PARP14: variants seen among roughly 807,000 people sequenced by gnomAD.
PARP14 encodes protein mono-ADP-ribosyltransferase PARP14.
Under a neutral mutation model 154.2 loss-of-function variants are expected in PARP14, and 59 were observed. That is an observed-to-expected ratio of 0.38 (90% CI 0.31 to 0.48). The LOEUF is 0.48. PARP14 is among the 20% of genes least tolerant of loss of function. The pLI is 0.98. For synonymous variants in PARP14, 720 were observed against 780.5 expected, an observed-to-expected ratio of 0.92 and a Z score of 1.29; for missense variants, 1,734 against 2,131.6, an observed-to-expected ratio of 0.81 and a Z score of 3.67.
At chr3:122,713,627 G>A (rs1939392092) in intron 10 of PARP14, 54 bp downstream of exon 10, 4 of 1,522,034 alleles carry the variant, frequency 2.6e-6, no homozygotes, top group East Asian at 2.3e-5. Context: ...CTATGAAGGA[G>A]GGTTTCTATA....
At chr3:122,692,573 T>C in intron 4 of PARP14, 30 bp downstream of exon 4, 1 of 1,583,986 alleles carries the variant, frequency 6.3e-7, no homozygotes, top group Non-Finnish European at 8.6e-7. Context: ...CCTCTGCCTG[T>C]CTTCTTTGTA....
At position 122,699,766 on chromosome 3, in the gene PARP14, A is replaced by G; in HGVS notation, c.1212A>G (p.Lys404=). The part of the protein sequence containing the change: ...IRSKYKVNPI[K]VDPTMWDTIK... ...CTAAATATAAAGTCAACCCAATTAA[A>G]GTGGATCCAACAATGTGGGACACCA... The change falls in exon 6 of 17, where the codon AAA becomes AAG. Residue 404 remains lysine (K), a synonymous_variant. Coordinates refer to ENST00000474629, the MANE Select transcript of PARP14 (RefSeq NM_017554.3). 6.2e-7 allele frequency: 1 copy of G among 1,614,040 alleles called. No individual in the cohort carries two copies. The highest frequency in any genetic ancestry group is 1.1e-5 in the South Asian group (1 of 91,078).
intron 5 of PARP14, among the ~76,000 whole-genome samples, chr3:122,696,592 G>A (rs1209674557): frequency 6.6e-6 from 1 of 152,218 alleles, no homozygotes; most frequent in East Asian, 1.9e-4. Context: ...GGGAGAGAGA[G>A]GGGTACATAA....
chr3:122,721,131 C>A (rs991576496), intron 15 of PARP14: 2 of 328,152 alleles, frequency 6.1e-6, no homozygotes, highest in Non-Finnish European at 1.2e-5. Flanking sequence ...GCTTTATTCA[C>A]GCCATTTATG....
intron 8 of PARP14, among the ~76,000 whole-genome samples, chr3:122,707,141 C>T (rs552474661): frequency 3.9e-5 from 6 of 152,150 alleles, no homozygotes; most frequent in Non-Finnish European, 5.9e-5. Flanking sequence ...GGGATTGGCT[C>T]GGAGCGGTGG....
intron 1 of PARP14, among the ~76,000 whole-genome samples, chr3:122,684,697 C>T (rs1256197): frequency 0.59 from 89,254 of 151,974 alleles, 29,326 homozygotes; most frequent in African/African-American, 0.89. Context: ...CTCCTGCTTA[C>T]AGCCACCTAG....
Position 122,701,431 on chromosome 3 carries a change from T to C in PARP14, c.2877T>C (p.Leu959=), listed in dbSNP as rs370997307. The C allele has an allele frequency of 9.9e-6, 16 of 1,613,824 alleles. No homozygotes were observed. The highest frequency in any genetic ancestry group is 1.7e-5 in the Admixed American group (1 of 60,006). Residue 959 remains leucine, a synonymous_variant, in exon 6 of 17, where the codon CTT becomes CTC. Transcript: ENST00000474629. The surrounding 1 kb of genome is among the most constrained non-coding windows in gnomAD (Gnocchi z 4.0). ...GACACTGCTTGAAAGAAATCTACCT[T>C]GTGGATGTATCTGAGAAGACTGTTG... is the stretch of plus-strand genomic sequence containing the variant. The part of the protein sequence containing the change: ...KDGHCLKEIY[L]VDVSEKTVEA...
intron 3 of PARP14, 144 bp downstream of exon 3, chr3:122,687,257 C>T: frequency 3.2e-6 from 2 of 632,750 alleles, no homozygotes; most frequent in South Asian, 4.0e-5. Context: ...ACTGCATCAT[C>T]TTCATATTCT....
Position 122,695,493 on chromosome 3 carries a change from A to G in PARP14, c.666A>G (p.Arg222=). The G allele has an allele frequency of 2.5e-6, 4 of 1,610,802 alleles. No homozygotes were observed. The highest frequency in any genetic ancestry group is 3.4e-6 in the Non-Finnish European group (4 of 1,178,018). Residue 222 remains arginine, a synonymous_variant, in exon 5 of 17, where the codon AGA becomes AGG. Transcript: ENST00000474629. ...TTAAACAACTTCAGCTTTCTCCAAG[A>G]CTTCTGGAAGTGACAAACACAATCA... is the stretch of plus-strand genomic sequence containing the variant. ...HSIKQLQLSP[R]LLEVTNTIRV... is the part of the protein sequence containing the mutation.
intron 5 of PARP14, 118 bp from the exon 6 acceptor site, chr3:122,699,271 TC>T (rs1391773909): frequency 1.7e-6 from 1 of 572,068 alleles, no homozygotes; most frequent in African/African-American, 1.9e-5. Flanking sequence ...TTTATTTCTT[TC>T]CTTTAAGTGT....
intron 9 of PARP14, among the ~76,000 whole-genome samples, chr3:122,710,795 A>T (rs559772900): frequency 0.036 from 862 of 24,156 alleles, 5 homozygotes; most frequent in African/African-American, 0.081. Flanking sequence ...TAGGTATTTT[A>T]TTTATTTATT....
rs768783879 is a variant in PARP14 at position 122,701,005 on chromosome 3, T to C, written c.2451T>C (p.Asp817=). The part of the protein sequence containing the change: ...QQGDLARLPV[D]VVVNASNEDL... ...GTGACTTGGCACGGCTTCCTGTCGA[T>C]GTGGTGGTGAATGCATCTAATGAGG... Residue 817 remains aspartate (D), a synonymous_variant, in exon 6 of 17, where the codon GAT becomes GAC. Coordinates refer to ENST00000474629, the MANE Select transcript of PARP14 (RefSeq NM_017554.3). This position sits in a 1 kb window ranked among gnomAD's most constrained non-coding sequence, Gnocchi z 4.0. 12 of 1,613,930 alleles carry C rather than the reference T, an allele frequency of 7.4e-6. No homozygotes were observed. In the South Asian group the frequency reaches 1.3e-4, roughly 18 times the overall value.
At chr3:122,705,564 A>G in intron 8 of PARP14, among the ~76,000 whole-genome samples, 1 of 152,224 alleles carries the variant, frequency 6.6e-6, no homozygotes, top group East Asian at 1.9e-4. Context: ...ACTCAGCATT[A>G]TGGCAGCACA....
intron 12 of PARP14, among the ~76,000 whole-genome samples, chr3:122,715,105 T>G (rs1484963139): frequency 6.7e-6 from 1 of 149,416 alleles, no homozygotes; most frequent in Admixed American, 6.7e-5. Flanking sequence ...ATTAGGTGGT[T>G]TTTTTTTTTT....
rs1289990271 is a variant in PARP14 at position 122,685,261 on chromosome 3, G to C, written c.264G>C (p.Gln88His). ...QGKGTFKLTV[Q>H]LPATPDEIDH... is the part of the protein sequence containing the mutation. ...AAGGAACATTCAAGTTAACTGTCCA[G>C]TTACCTGCAACCCCAGATGAAATCG... Residue 88 changes from glutamine (Q) to histidine (H), a missense_variant, in exon 2 of 17, where the codon CAG becomes CAC. Coordinates refer to ENST00000474629, the MANE Select transcript of PARP14 (RefSeq NM_017554.3). The C allele has an allele frequency of 6.2e-7, 1 of 1,613,826 alleles. No individual in the cohort carries two copies. The highest frequency in any genetic ancestry group is 1.3e-5 in the African/African-American group (1 of 75,044).
intron 10 of PARP14, 135 bp from the exon 11 acceptor site, chr3:122,713,734 TTTC>T: frequency 1.1e-6 from 1 of 882,878 alleles, no homozygotes; most frequent in Non-Finnish European, 1.8e-6. Context: ...TTTATGAAGT[TTTC>T]TTCTTTGTCA....
intron 12 of PARP14, 99 bp downstream of exon 12, chr3:122,714,528 G>T: frequency 4.7e-6 from 4 of 854,574 alleles, no homozygotes; most frequent in Non-Finnish European, 5.2e-6. Context: ...GTCTGACCCA[G>T]GGCAGCAACC....
chr3:122,700,948 G>A lies in PARP14; in HGVS notation c.2394G>A (p.Leu798=). 6.2e-7 allele frequency: 1 copy of A among 1,613,890 alleles called. No homozygotes were observed. ...AGQKCFSRTV[L]APGVVLIVQQ... ...AGAAGTGCTTCTCTCGGACAGTCTT[G>A]GCCCCTGGCGTTGTGCTGATTGTGC... The change falls in exon 6 of 17, where the codon TTG becomes TTA. Residue 798 remains leucine (L), a synonymous_variant. Coordinates refer to ENST00000474629, the MANE Select transcript of PARP14 (RefSeq NM_017554.3).
chr3:122,691,113 G>T (rs1421308482), intron 3 of PARP14, among the ~76,000 whole-genome samples: 1 of 152,232 alleles, frequency 6.6e-6, no homozygotes, highest in East Asian at 1.9e-4. Flanking sequence ...TGTCCAGGAA[G>T]TAAGCAAAAT....
Sources: allele counts gnomAD v4.1 joint callset (sites outside exome capture counted in the v4.1 genomes callset), GRCh38; gene constraint gnomAD v4.1.1; non-coding constraint Gnocchi (gnomAD v3.1); transcripts MANE v1.5; gene names NCBI Gene and HGNC (gene_info 2026-07-23, HGNC 2026-07-21).